Variants in ATP9B observed in about 807,000 individuals in gnomAD.
ATP9B encodes probable phospholipid-transporting ATPase IIB.
ATP9B carries 110 observed loss-of-function variants against 146.1 expected under a neutral mutation model. That is an observed-to-expected ratio of 0.75 (90% CI 0.65 to 0.88). ATP9B has a LOEUF of 0.88. Ranked by LOEUF, ATP9B falls within the 40% of genes least tolerant of loss-of-function variation. The pLI is 0.00. For synonymous variants in ATP9B, 604 were observed against 569.7 expected (o/e 1.06, Z -0.86); for missense variants, 1,499 against 1,496.4 (o/e 1.00, Z -0.03).
At position 79,306,464 on chromosome 18, in the gene ATP9B, T is replaced by C. The variant is rs2146537359; in HGVS notation, c.1525-522T>C. Among the ~76,000 whole-genome samples the C allele has an allele frequency of 3.3e-5, 5 of 152,330 alleles. 1 individual carries two copies. In the Middle Eastern group the frequency reaches 0.014, roughly 415 times the overall value. ...TTCCTCTGAATGCAACTTAGGATTG[T>C]ATTTGGTTGTTATTATCCACAAAAC... On this transcript the variant is annotated intron_variant, in intron 14 of 29. Coordinates refer to ENST00000426216, the MANE Select transcript of ATP9B (RefSeq NM_198531.5).
At chr18:79,143,773 G>C (rs139387469) in intron 5 of ATP9B, 29 bp from the exon 6 acceptor site, 2 of 1,475,564 alleles carry the variant, frequency 1.4e-6, no homozygotes, top group East Asian at 2.3e-5. Context: ...TTGTTTCCTT[G>C]AGTTGACTGT....
chr18:79,243,595 C>T lies in ATP9B; in HGVS notation c.1108-9786C>T, dbSNP rs559027888. On this transcript the variant is annotated intron_variant, in intron 11 of 29. Transcript: ENST00000426216. ...TTGTGTCCTTGACTAGGTCCTGTAA[C>T]ATCTCTTCTGTGCTGATTCTGATAC... 3.9e-5 allele frequency among the ~76,000 whole-genome samples: 6 copies of T among 152,334 alleles called. No individual in the cohort carries two copies. In the South Asian group the frequency reaches 6.2e-4, roughly 16 times the overall value.
chr18:79,324,300 T>C (rs1236374217), intron 15 of ATP9B, among the ~76,000 whole-genome samples: 1 of 152,168 alleles, frequency 6.6e-6, no homozygotes, highest in African/African-American at 2.4e-5. Flanking sequence ...GCAGTGGCTT[T>C]TTAGCCCAAT....
At chr18:79,087,706 ATTTACTTAGTAACT>A (rs2073964388) in intron 1 of ATP9B, 1 of 152,188 alleles carries the variant, frequency 6.6e-6, no homozygotes, top group Non-Finnish European at 1.5e-5. Context: ...TATTGTAATG[ATTTACTTAGTAACT>A]TTTACTTAGT....
intron 13 of ATP9B, among the ~76,000 whole-genome samples, chr18:79,282,035 C>G (rs553225553): frequency 4.3e-4 from 66 of 152,262 alleles, no homozygotes; most frequent in Middle Eastern, 6.8e-3. Context: ...GTTTCAAGAC[C>G]TCAGCGGAGG....
chr18:79,339,377 C>T (rs765201984), intron 19 of ATP9B, among the ~76,000 whole-genome samples: 1 of 141,186 alleles, frequency 7.1e-6, no homozygotes, highest in Non-Finnish European at 1.5e-5. Flanking sequence ...TGTCTGAGAT[C>T]GCAGTAGGAA....
chr18:79,281,807 G>A (rs140471890), intron 13 of ATP9B, among the ~76,000 whole-genome samples: 8,455 of 152,086 alleles, frequency 0.056, 434 homozygotes, highest in African/African-American at 0.14. Context: ...GCGGATCACC[G>A]GAGGTCGGGA....
In ATP9B at chr18:79,342,369, A is replaced by G. The variant is rs928724967; in HGVS notation, c.2382+3A>G. ...AAGATATTCATATTTTCAGACAGGTAAGTATGTATCTTAATCACTTTGAAT... is the reference window on the plus strand; with the variant it reads ...AAGATATTCATATTTTCAGACAGGTGAGTATGTATCTTAATCACTTTGAAT... On this transcript the variant is annotated splice_donor_region_variant and intron_variant, in intron 20 of 29. Transcript: ENST00000426216. 7.5e-6 allele frequency: 12 copies of G among 1,601,772 alleles called. No individual in the cohort carries two copies. Among genetic ancestry groups the G allele is most frequent in the Non-Finnish European group, 9.4e-6 (11 of 1,169,340 alleles).
At chr18:79,282,827 TCTTGGTG>T (rs1332704987) in intron 13 of ATP9B, among the ~76,000 whole-genome samples, 1 of 152,136 alleles carries the variant, frequency 6.6e-6, no homozygotes, top group African/African-American at 2.4e-5. Flanking sequence ...TGGGATTGAG[TCTTGGTG>T]CCCCCCAACT....
chr18:79,238,667 G>A (rs1014727848), intron 11 of ATP9B, among the ~76,000 whole-genome samples: 2 of 152,158 alleles, frequency 1.3e-5, no homozygotes, highest in African/African-American at 4.8e-5. Flanking sequence ...GTGGCGCCCC[G>A]GCCTGTCCTG....
In ATP9B at chr18:79,094,806, G is replaced by A. The variant is rs776151138; in HGVS notation, c.120-1670G>A. Among the ~76,000 whole-genome samples, 32 of 152,298 alleles carry A rather than the reference G, an allele frequency of 2.1e-4. 1 individual carries two copies. Among genetic ancestry groups the A allele is most frequent in the Non-Finnish European group, 3.7e-4 (25 of 68,034 alleles). On this transcript the variant is annotated intron_variant, in intron 1 of 29. Transcript: ENST00000426216. Reference sequence around the variant, plus strand: ...CTGCCCTTGTCTTGAAACTGTGTGTGTCAGCCCCATCAACTGGAGGTCTGA... The same window carrying A: ...CTGCCCTTGTCTTGAAACTGTGTGTATCAGCCCCATCAACTGGAGGTCTGA...
chr18:79,266,004 T>C (rs2096199980), intron 12 of ATP9B, among the ~76,000 whole-genome samples: 1 of 152,194 alleles, frequency 6.6e-6, no homozygotes, highest in Admixed American at 6.5e-5. Context: ...AGTCCTTTTC[T>C]CATTGCTTGT....
chr18:79,256,779 T>C (rs946572861), intron 12 of ATP9B, among the ~76,000 whole-genome samples: 48 of 152,208 alleles, frequency 3.2e-4, no homozygotes, highest in African/African-American at 1.2e-3. Context: ...GTTTGGTTTA[T>C]ACTCAGTGTT....
rs375481765 is a variant in ATP9B, at chr18:79,309,575, T to G, written c.1773+2341T>G. Among the ~76,000 whole-genome samples the G allele has an allele frequency of 8.6e-4, 64 of 74,578 alleles. 1 individual carries two copies. Among genetic ancestry groups the G allele is most frequent in the Middle Eastern group, 8.5e-3 (1 of 118 alleles). 48.9% of individuals were successfully genotyped at this position (74,578 alleles called of 152,430 possible). A position where few individuals can be genotyped will look rare whatever the true frequency, so the allele number is the denominator to read the frequency against. On this transcript the variant is annotated intron_variant, in intron 15 of 29. Coordinates refer to ENST00000426216, the MANE Select transcript of ATP9B (RefSeq NM_198531.5). ...CCCCAGCAGGTAGAAGGTCAGGGGC[T>G]GAGGAGTGATCCCCAGCAGGTAGAA...
chr18:79,280,740 G>A (rs1324620238), intron 13 of ATP9B, among the ~76,000 whole-genome samples: 2 of 151,602 alleles, frequency 1.3e-5, no homozygotes, highest in Non-Finnish European at 1.5e-5. Context: ...ATACTAGGCC[G>A]TGAGTCAAAT....
chr18:79,331,274 A>G (rs1028789402), intron 17 of ATP9B, among the ~76,000 whole-genome samples: 1 of 152,208 alleles, frequency 6.6e-6, no homozygotes, highest in Admixed American at 6.5e-5. Flanking sequence ...ATGAATCAAT[A>G]TCTCCTTCGG....
intron 12 of ATP9B, among the ~76,000 whole-genome samples, chr18:79,261,725 G>A (rs558879103): frequency 3.9e-5 from 6 of 152,258 alleles, no homozygotes; most frequent in Admixed American, 6.5e-5. Flanking sequence ...GCAAGGTAGC[G>A]TCAGGAAGGG....
chr18:79,278,266 G>A (rs544552185), intron 13 of ATP9B, among the ~76,000 whole-genome samples: 2 of 152,184 alleles, frequency 1.3e-5, no homozygotes, highest in Non-Finnish European at 2.9e-5. Context: ...ATAGTCGCTC[G>A]ACTTGATGCG....
At chr18:79,172,440 CGT>C (rs2095089259) in intron 7 of ATP9B, among the ~76,000 whole-genome samples, 2 of 72,478 alleles carry the variant, frequency 2.8e-5, no homozygotes. Flanking sequence ...TGATTACAGG[CGT>C]AGCCACCGTG....
Sources: gnomAD v4.1 joint callset for allele counts (sites outside exome capture counted in the v4.1 genomes callset) on GRCh38, gnomAD v4.1.1 for gene constraint, MANE v1.5 for transcripts, NCBI Gene and HGNC (gene_info 2026-07-23, HGNC 2026-07-21) for gene names.